Variants in MYO5A observed in about 807,000 individuals in gnomAD.
MYO5A encodes the protein unconventional myosin-Va.
MYO5A carries 98 observed loss-of-function variants against 249.7 expected under a neutral mutation model. That is an observed-to-expected ratio of 0.39 (90% CI 0.33 to 0.46). The LOEUF (loss-of-function observed/expected upper bound fraction) is 0.46. Ranked by LOEUF, MYO5A falls within the 20% of genes least tolerant of loss-of-function variation. The pLI is 0.98. For synonymous variants in MYO5A, 778 were observed against 810.6 expected (o/e 0.96, Z 0.68); for missense variants, 1,696 against 2,308.8 (o/e 0.73, Z 5.44).
intron 1 of MYO5A, among the ~76,000 whole-genome samples, chr15:52,509,477 G>C (rs907143930): frequency 6.6e-6 from 1 of 152,176 alleles, no homozygotes; most frequent in Non-Finnish European, 1.5e-5. Context: ...AGCATGATCA[G>C]CTGACAGACA....
At chr15:52,415,238 C>T (rs541130736) in intron 5 of MYO5A, among the ~76,000 whole-genome samples, 224 of 152,212 alleles carry the variant, frequency 1.5e-3, no homozygotes, top group African/African-American at 5.2e-3. Context: ...AAAAAAATGC[C>T]GATTTGAATT....
Position 52,321,455 on chromosome 15 carries a change from C to T in MYO5A, c.4855G>A (p.Asp1619Asn). 6 of 1,614,186 alleles carry T rather than the reference C, an allele frequency of 3.7e-6. No homozygotes were observed. Among genetic ancestry groups the T allele is most frequent in the Non-Finnish European group, 5.1e-6 (6 of 1,180,036 alleles). ...AGCACCTGCCGATACTCAGCCAGGT[C>T]AAAATTGGTGAGGCAGTGTTCATTC... is the stretch of plus-strand genomic sequence containing the variant. Reference protein sequence around the residue: ...RQNEHCLTNFDLAEYRQVLSD... With the variant: ...RQNEHCLTNFNLAEYRQVLSD... The change falls in exon 38 of 42, where the codon GAC becomes AAC. Residue 1619 changes from aspartate (D) to asparagine (N), a missense_variant. Coordinates refer to ENST00000399233, the MANE Select transcript of MYO5A (RefSeq NM_001382347.1).
rs143627307 is a variant in MYO5A, at chr15:52,373,326, C to T, written c.2578-963G>A. ...TGAATTTTAAGAAGAGGTAGCCAGG[C>T]ACAGTGACTGGATAAATAAAACTAT... On this transcript the variant is annotated intron_variant, in intron 20 of 41. Coordinates refer to ENST00000399233, the MANE Select transcript of MYO5A (RefSeq NM_001382347.1). 4.5e-3 allele frequency among the ~76,000 whole-genome samples: 678 copies of T among 152,260 alleles called. 1 individual carries two copies. Among genetic ancestry groups the T allele is most frequent in the Non-Finnish European group, 7.6e-3 (515 of 68,028 alleles).
chr15:52,501,068 C>G (rs1157559442), intron 1 of MYO5A, among the ~76,000 whole-genome samples: 2 of 151,838 alleles, frequency 1.3e-5, no homozygotes, highest in African/African-American at 4.8e-5. Flanking sequence ...CTCCCGGGTT[C>G]ACGCCATTCT....
intron 1 of MYO5A, among the ~76,000 whole-genome samples, chr15:52,467,659 C>T (rs1338646763): frequency 1.3e-5 from 2 of 152,144 alleles, no homozygotes; most frequent in Non-Finnish European, 2.9e-5. Context: ...CATCCAGCTA[C>T]AGGAGGCCCA....
chr15:52,336,964 A>T (rs897602237), intron 33 of MYO5A, among the ~76,000 whole-genome samples: 61 of 152,358 alleles, frequency 4.0e-4, no homozygotes, highest in African/African-American at 1.4e-3. Context: ...TTAGGTAGGA[A>T]CTGACACTCC....
intron 8 of MYO5A, among the ~76,000 whole-genome samples, chr15:52,406,319 C>T (rs2043001646): frequency 6.6e-6 from 1 of 152,056 alleles, no homozygotes; most frequent in Non-Finnish European, 1.5e-5. Context: ...GGCTGGAGTG[C>T]AGTGGTGTGA....
In MYO5A at chr15:52,324,073, C is replaced by G. The variant is rs562255296; in HGVS notation, c.4711-629G>C. The stretch of plus-strand genomic sequence containing the variant: ...CTACAGCTAGCCCAAATTCATGTCC[C>G]CCGTGGGGTTAATGATGGGAATCAG... On this transcript the variant is annotated intron_variant, in intron 36 of 41. Coordinates refer to ENST00000399233, the MANE Select transcript of MYO5A (RefSeq NM_001382347.1). 2.1e-5 allele frequency among the ~76,000 whole-genome samples: 3 copies of G among 144,280 alleles called. No individual in the cohort carries two copies. The South Asian group carries it at 6.7e-4, about 32-fold the overall frequency. The allele number at this position is 144,280 out of a possible 152,430, so 94.7% of individuals were successfully genotyped here.
intron 1 of MYO5A, among the ~76,000 whole-genome samples, chr15:52,513,156 T>A (rs1307110932): frequency 7.0e-6 from 1 of 142,842 alleles, no homozygotes; most frequent in East Asian, 2.2e-4. Flanking sequence ...GCTGGCCGGG[T>A]GCGGTGGCTC....
At chr15:52,387,597 T>C (rs1287205198) in intron 14 of MYO5A, among the ~76,000 whole-genome samples, 2 of 152,194 alleles carry the variant, frequency 1.3e-5, no homozygotes, top group Non-Finnish European at 1.5e-5. Flanking sequence ...ATGAAGTCTC[T>C]GTGTCTCAGG....
chr15:52,412,181 A>G (rs17707717), intron 5 of MYO5A, among the ~76,000 whole-genome samples: 1,810 of 152,322 alleles, frequency 0.012, 45 homozygotes, highest in East Asian at 0.069. Context: ...AACTGTCCTA[A>G]GCACTTTCCT....
chr15:52,499,166 C>T (rs184284514), intron 1 of MYO5A, among the ~76,000 whole-genome samples: 36 of 152,230 alleles, frequency 2.4e-4, no homozygotes, highest in Middle Eastern at 6.8e-3. Context: ...GTTCTAGCTA[C>T]CTATCTCATT....
rs2039117425 is a variant in MYO5A, at chr15:52,336,378, C to A, written c.4408+85G>T. On this transcript the variant is annotated intron_variant, in intron 34 of 41. Coordinates refer to ENST00000399233, the MANE Select transcript of MYO5A (RefSeq NM_001382347.1). ...ATCCCTAATATTTGCATGCAAACCT[C>A]TATTAGGCCACTTATATAGCCTAGT... is the stretch of plus-strand genomic sequence containing the variant. The A allele has an allele frequency of 1.5e-5, 13 of 880,514 alleles. No homozygotes were observed. In the East Asian group the frequency reaches 3.4e-4, roughly 23 times the overall value. The allele number at this position is 880,514 out of a possible 1,614,324, so 54.5% of individuals were successfully genotyped here.
At chr15:52,443,929 G>A (rs2075837069) in intron 1 of MYO5A, among the ~76,000 whole-genome samples, 1 of 151,924 alleles carries the variant, frequency 6.6e-6, no homozygotes, top group African/African-American at 2.4e-5. Context: ...GTTGCAGTGA[G>A]CCGAGATTGT....
intron 36 of MYO5A, among the ~76,000 whole-genome samples, chr15:52,327,472 T>C (rs918404230): frequency 3.3e-5 from 5 of 152,060 alleles, no homozygotes; most frequent in African/African-American, 9.7e-5. Flanking sequence ...TTTTGGGAAG[T>C]TGAAGGGGGA....
intron 36 of MYO5A, among the ~76,000 whole-genome samples, chr15:52,325,408 C>CA (rs1318478625): frequency 7.2e-6 from 1 of 139,484 alleles, no homozygotes; most frequent in Non-Finnish European, 1.6e-5. Flanking sequence ...AAGCCCCCCA[C>CA]TTTTTTTTTT....
intron 40 of MYO5A, 101 bp from the exon 41 acceptor site, chr15:52,314,304 G>T (rs1346879714): frequency 3.9e-5 from 34 of 864,144 alleles, no homozygotes; most frequent in Non-Finnish European, 5.6e-5. Context: ...ACAGATTTCA[G>T]TTCTACTCAG....
At chr15:52,318,350 G>A (rs956204489) in intron 39 of MYO5A, among the ~76,000 whole-genome samples, 2 of 151,622 alleles carry the variant, frequency 1.3e-5, no homozygotes, top group Non-Finnish European at 2.9e-5. Context: ...CAGCTACTTG[G>A]GAGGCTGAGG....
chr15:52,416,223 T>C lies in MYO5A; in HGVS notation c.534A>G (p.Arg178=), dbSNP rs748268948. The change falls in exon 5 of 42, where the codon CGA becomes CGG. Residue 178 remains arginine (R), a synonymous_variant. Transcript: ENST00000399233. ...GKTVSAKYAM[R]YFATVSGSAS... ...CAGAACCACTCACAGTTGCAAAGTA[T>C]CGCATGGCATACTTAGCTGAGACTG... is the stretch of plus-strand genomic sequence containing the variant. The C allele has an allele frequency of 5.0e-6, 8 of 1,613,974 alleles. No homozygotes were observed. Among genetic ancestry groups the C allele is most frequent in the Middle Eastern group, 1.6e-4 (1 of 6,082 alleles).
Sources: gnomAD v4.1 joint callset for allele counts (sites outside exome capture counted in the v4.1 genomes callset) on GRCh38, gnomAD v4.1.1 for gene constraint, MANE v1.5 for transcripts, NCBI Gene and HGNC (gene_info 2026-07-23, HGNC 2026-07-21) for gene names.